Variants in PTPRK observed in about 807,000 individuals in gnomAD.
PTPRK encodes the protein receptor-type tyrosine-protein phosphatase kappa.
PTPRK carries 75 observed loss-of-function variants against 178.0 expected under a neutral mutation model. The ratio of observed to expected loss-of-function variants is 0.42; its 90% CI spans 0.35 to 0.51. The LOEUF is 0.51. Ranked by LOEUF, PTPRK falls within the 20% of genes least tolerant of loss-of-function variation. The pLI is 0.02. For synonymous variants in PTPRK, 637 were observed against 620.6 expected (o/e 1.03, Z -0.39); for missense variants, 1,441 against 1,797.8 (o/e 0.80, Z 3.59).
intron 2 of PTPRK, among the ~76,000 whole-genome samples, 162 bp downstream of exon 2, chr6:128,397,404 T>A (rs777535516): frequency 6.6e-6 from 1 of 152,150 alleles, no homozygotes; most frequent in Non-Finnish European, 1.5e-5. Flanking sequence ...TACAGAAAGT[T>A]ATTAAGGGAA....
intron 3 of PTPRK, among the ~76,000 whole-genome samples, chr6:128,255,996 C>G (rs1435090804): frequency 6.6e-6 from 1 of 152,062 alleles, no homozygotes; most frequent in Non-Finnish European, 1.5e-5. Flanking sequence ...TATAAAATAC[C>G]AATTTTTAAA....
At chr6:128,451,979 G>T (rs1847852756) in intron 1 of PTPRK, among the ~76,000 whole-genome samples, 1 of 152,106 alleles carries the variant, frequency 6.6e-6, no homozygotes, top group Admixed American at 6.5e-5. Flanking sequence ...CAAATGCCAA[G>T]CACCATGTTT....
intron 1 of PTPRK, among the ~76,000 whole-genome samples, chr6:128,495,119 G>C (rs1854467530): frequency 6.6e-6 from 1 of 152,132 alleles, no homozygotes; most frequent in Non-Finnish European, 1.5e-5. Context: ...GGGTGAGTGT[G>C]TGTATCTATC....
chr6:128,165,643 A>C (rs1272521513), intron 7 of PTPRK, among the ~76,000 whole-genome samples: 6 of 151,322 alleles, frequency 4.0e-5, no homozygotes, highest in Non-Finnish European at 7.4e-5. Context: ...AAAGGTACAC[A>C]CAATTAGGAA....
At chr6:128,464,674 T>TAC (rs1554271977) in intron 1 of PTPRK, among the ~76,000 whole-genome samples, 58 of 124,758 alleles carry the variant, frequency 4.6e-4, no homozygotes, top group African/African-American at 5.9e-4. Context: ...TATATATATA[T>TAC]ACAACAGATG....
intron 7 of PTPRK, among the ~76,000 whole-genome samples, chr6:128,128,908 G>C (rs1298937067): frequency 2.0e-5 from 3 of 152,172 alleles, no homozygotes; most frequent in African/African-American, 4.8e-5. Flanking sequence ...GTGCTGCACA[G>C]AAATGACATG....
Position 128,269,000 on chromosome 6 carries a change from C to T in PTPRK, c.496-26398G>A, listed in dbSNP as rs114181995. Among the ~76,000 whole-genome samples, 956 of 151,892 alleles carry T rather than the reference C, an allele frequency of 6.3e-3. 11 individuals are homozygous for T. The highest frequency in any genetic ancestry group is 0.022 in the African/African-American group (905 of 41,456). ...ATCAGAAACTGTATGGTTAACATTCCTGAAGGGAATAATTATTAGTCTTAT... is the reference window on the plus strand; with the variant it reads ...ATCAGAAACTGTATGGTTAACATTCTTGAAGGGAATAATTATTAGTCTTAT... On this transcript the variant is annotated intron_variant, in intron 3 of 29. Coordinates refer to ENST00000368226, the MANE Select transcript of PTPRK (RefSeq NM_002844.4).
intron 2 of PTPRK, among the ~76,000 whole-genome samples, chr6:128,343,140 T>C (rs1427544161): frequency 6.6e-6 from 1 of 152,184 alleles, no homozygotes; most frequent in African/African-American, 2.4e-5. Context: ...TCTACTATCT[T>C]TTTATTTAAT....
intron 7 of PTPRK, among the ~76,000 whole-genome samples, chr6:128,099,592 C>A (rs1788456810): frequency 6.6e-6 from 1 of 151,974 alleles, no homozygotes; most frequent in South Asian, 2.1e-4. Context: ...ATAAAGAGAA[C>A]AATTCTACAT....
intron 1 of PTPRK, among the ~76,000 whole-genome samples, chr6:128,478,335 A>C (rs2128422216): frequency 6.6e-6 from 1 of 152,212 alleles, no homozygotes; most frequent in South Asian, 2.1e-4. Context: ...ACTGTGCCTA[A>C]GTATTGGTGG....
In PTPRK at chr6:128,322,152, T is replaced by G; in HGVS notation, c.382A>C (p.Arg128=). The G allele has an allele frequency of 1.9e-6, 3 of 1,613,930 alleles. No individual in the cohort carries two copies. Among genetic ancestry groups the G allele is most frequent in the Non-Finnish European group, 2.5e-6 (3 of 1,179,894 alleles). ...TTGGCAAGAGGTCCTTTATTCACCC[T>G]AACTAATATGTTCAAAGTGCCAGGA... is the stretch of plus-strand genomic sequence containing the variant. ...LNPGTLNILV[R]VNKGPLANPI... is the part of the protein sequence containing the mutation. Residue 128 remains arginine, a synonymous_variant, in exon 3 of 30, where the codon AGG becomes CGG. Transcript: ENST00000368226.
At chr6:128,087,322 AT>A (rs905925537) in intron 8 of PTPRK, among the ~76,000 whole-genome samples, 18 of 149,624 alleles carry the variant, frequency 1.2e-4, no homozygotes, top group Admixed American at 2.0e-4. Flanking sequence ...TTAGGACATG[AT>A]TTTTTTTTTA....
In PTPRK at chr6:127,970,597, T is replaced by C. The variant is rs554123598; in HGVS notation, c.4270-317A>G. On this transcript the variant is annotated intron_variant, in intron 29 of 29. Transcript: ENST00000368226. ...ATTACAGAACAATTCTGTACAAATA[T>C]AAAGAATATACACATTCTGAACAAA... Among the ~76,000 whole-genome samples the C allele has an allele frequency of 2.0e-5, 3 of 152,124 alleles. No homozygotes were observed. In the East Asian group the frequency reaches 5.8e-4, roughly 29 times the overall value.
rs138499365 is a variant in PTPRK, at chr6:128,083,769, G to T, written c.1521C>A (p.Ile507=). ...CCAAAGGTTCTTTCCAGTTCAAGAA[G>T]ATCTTATTTTCAAAGGATGTTCCTT... ...SLQGTSFENK[I]FLNWKEPLDP... Residue 507 remains isoleucine (I), a synonymous_variant, in exon 9 of 30, where the codon ATC becomes ATA. Transcript: ENST00000368226. 2 of 1,606,806 alleles carry T rather than the reference G, an allele frequency of 1.2e-6. No individual in the cohort carries two copies. The highest frequency in any genetic ancestry group is 1.3e-5 in the African/African-American group (1 of 74,458).
At chr6:128,414,885 T>C (rs1029712260) in intron 1 of PTPRK, among the ~76,000 whole-genome samples, 3 of 152,222 alleles carry the variant, frequency 2.0e-5, no homozygotes, top group African/African-American at 7.2e-5. Context: ...TTATTTACTA[T>C]AAACATTCAA....
chr6:128,197,267 A>G (rs547661517), intron 6 of PTPRK, among the ~76,000 whole-genome samples: 2 of 150,984 alleles, frequency 1.3e-5, no homozygotes, highest in Non-Finnish European at 2.9e-5. Context: ...ATAGGTATAC[A>G]TGTGCCACGG....
At chr6:128,429,541 C>G in intron 1 of PTPRK, among the ~76,000 whole-genome samples, 1 of 152,166 alleles carries the variant, frequency 6.6e-6, no homozygotes, top group Non-Finnish European at 1.5e-5. Flanking sequence ...TGCAATAAAA[C>G]AAAGGTAATA....
intron 6 of PTPRK, among the ~76,000 whole-genome samples, chr6:128,207,098 TG>T (rs1807119595): frequency 6.6e-6 from 1 of 152,146 alleles, no homozygotes; most frequent in African/African-American, 2.4e-5. Flanking sequence ...AGGTAGATGG[TG>T]TGCTCGGGCT....
intron 2 of PTPRK, among the ~76,000 whole-genome samples, chr6:128,336,539 A>G (rs992058390): frequency 2.0e-5 from 3 of 152,190 alleles, no homozygotes; most frequent in African/African-American, 7.2e-5. Context: ...TCACTGTCAC[A>G]TCGTTCAATC....
Sources: gnomAD v4.1 joint callset for allele counts (sites outside exome capture counted in the v4.1 genomes callset) on GRCh38, gnomAD v4.1.1 for gene constraint, MANE v1.5 for transcripts, NCBI Gene and HGNC (gene_info 2026-07-23, HGNC 2026-07-21) for gene names.